Variants in VCL observed in about 807,000 individuals in gnomAD.
VCL encodes epididymis luminal protein 114.
A neutral mutation model predicts 125.7 loss-of-function variants in VCL; 47 were observed. That is an observed-to-expected ratio of 0.37 (90% CI 0.30 to 0.48). VCL has a LOEUF of 0.48. Ranked by LOEUF, VCL falls within the 20% of genes least tolerant of loss-of-function variation. VCL has a pLI of 0.99. For synonymous variants in VCL, 458 were observed against 514.6 expected (o/e 0.89, Z 1.49); for missense variants, 1,069 against 1,455.5 (o/e 0.73, Z 4.32).
At chr10:74,007,715 C>G (rs765681193) in intron 1 of VCL, among the ~76,000 whole-genome samples, 3 of 151,038 alleles carry the variant, frequency 2.0e-5, no homozygotes, top group African/African-American at 7.3e-5. Flanking sequence ...AGGTTGGTCT[C>G]GAACTCCTGA....
At chr10:74,053,844 C>G (rs1210582196) in intron 2 of VCL, among the ~76,000 whole-genome samples, 1 of 152,108 alleles carries the variant, frequency 6.6e-6, no homozygotes, top group Admixed American at 6.6e-5. Flanking sequence ...CTCCTGACCT[C>G]AGGTGATCCA....
intron 1 of VCL, among the ~76,000 whole-genome samples, chr10:74,004,892 A>G (rs779125412): frequency 2.0e-4 from 31 of 151,982 alleles, no homozygotes; most frequent in Non-Finnish European, 3.7e-4. Context: ...TTTAGTGGAC[A>G]CTAGGTTTCA....
chr10:74,051,065 G>A (rs896096500), intron 2 of VCL, among the ~76,000 whole-genome samples: 4 of 149,396 alleles, frequency 2.7e-5, no homozygotes, highest in East Asian at 4.0e-4. Context: ...TCAGCCTCCC[G>A]AGTAGCTGGG....
intron 6 of VCL, among the ~76,000 whole-genome samples, chr10:74,078,462 C>T (rs1297641606): frequency 6.6e-6 from 1 of 152,028 alleles, no homozygotes; most frequent in Non-Finnish European, 1.5e-5. Context: ...AGCAAGTGTT[C>T]TAGTGTTTTG....
intron 8 of VCL, among the ~76,000 whole-genome samples, chr10:74,088,725 T>C (rs967131550): frequency 6.6e-6 from 1 of 152,216 alleles, no homozygotes; most frequent in Non-Finnish European, 1.5e-5. Flanking sequence ...GATCTGCTTG[T>C]TCCCAGTCTG....
At chr10:74,075,763 T>C (rs893207073) in intron 6 of VCL, 11 of 152,788 alleles carry the variant, frequency 7.2e-5, no homozygotes, top group Admixed American at 6.5e-5. Flanking sequence ...ATGACTTCCA[T>C]TGGGTGCTCA....
intron 1 of VCL, among the ~76,000 whole-genome samples, chr10:74,022,837 C>T (rs1013541428): frequency 2.0e-5 from 3 of 151,798 alleles, no homozygotes; most frequent in African/African-American, 7.3e-5. Context: ...GAAGGGGTTT[C>T]GCCATGTTGG....
rs2131944675 is a variant in VCL at position 74,118,394 on chromosome 10, A to T, written c.*225A>T. 1.7e-6 allele frequency: 1 copy of T among 591,600 alleles called. No individual in the cohort carries two copies. Among genetic ancestry groups the T allele is most frequent in the Admixed American group, 2.7e-5 (1 of 37,404 alleles). The allele number at this position is 591,600 out of a possible 1,614,324, so 36.6% of individuals were successfully genotyped here. ...AAAGCCTGTATTCTCAAACACAGTT[A>T]CACTTGTGCACCCTCTATCCCAATA... On this transcript the variant is annotated 3_prime_UTR_variant, in exon 22 of 22. Coordinates refer to ENST00000211998, the MANE Select transcript of VCL (RefSeq NM_014000.3).
intron 1 of VCL, among the ~76,000 whole-genome samples, chr10:74,001,847 CT>C (rs1355621423): frequency 6.6e-6 from 1 of 152,004 alleles, no homozygotes; most frequent in African/African-American, 2.4e-5. Flanking sequence ...TTGGGAATTT[CT>C]TTCAGATTAT....
At chr10:74,060,023 A>G (rs1841453794) in intron 2 of VCL, among the ~76,000 whole-genome samples, 1 of 152,084 alleles carries the variant, frequency 6.6e-6, no homozygotes, top group South Asian at 2.1e-4. Context: ...TTAGCTGGGC[A>G]TGGTGATGTG....
chr10:74,086,785 T>C (rs1474062317), intron 8 of VCL, among the ~76,000 whole-genome samples: 1 of 152,238 alleles, frequency 6.6e-6, no homozygotes, highest in Non-Finnish European at 1.5e-5. Context: ...TGATGAAAGA[T>C]TAGAAAGTTA....
intron 17 of VCL, among the ~76,000 whole-genome samples, chr10:74,107,883 T>A (rs1407374284): frequency 6.6e-6 from 1 of 152,184 alleles, no homozygotes; most frequent in Admixed American, 6.5e-5. Context: ...ACTGTGAATA[T>A]ATTTTTACAT....
At chr10:74,035,996 C>T (rs187857559) in intron 1 of VCL, among the ~76,000 whole-genome samples, 1 of 152,192 alleles carries the variant, frequency 6.6e-6, no homozygotes, top group African/African-American at 2.4e-5. Flanking sequence ...TATTCAAATA[C>T]TATGCTGTTT....
At chr10:74,022,697 C>G (rs1840695911) in intron 1 of VCL, among the ~76,000 whole-genome samples, 1 of 149,732 alleles carries the variant, frequency 6.7e-6, no homozygotes, top group African/African-American at 2.5e-5. Flanking sequence ...AGTGCAATGA[C>G]ACGATCTCGG....
At chr10:74,020,096 T>C (rs986750974) in intron 1 of VCL, among the ~76,000 whole-genome samples, 3 of 151,960 alleles carry the variant, frequency 2.0e-5, no homozygotes, top group Non-Finnish European at 4.4e-5. Context: ...TACTAATTTA[T>C]TTTCAGGGGA....
rs1254396469 is a variant in VCL at position 74,097,364 on chromosome 10, A to G, written c.1872+32A>G. 6.2e-7 allele frequency: 1 copy of G among 1,607,722 alleles called. No individual in the cohort carries two copies. The highest frequency in any genetic ancestry group is 1.1e-5 in the South Asian group (1 of 90,602). ...ATCTGAGGTCTTCCATTTTTCTGTCAGCCTGTGCTATAGGTATATGTAAAG... is the reference window on the plus strand; with the variant it reads ...ATCTGAGGTCTTCCATTTTTCTGTCGGCCTGTGCTATAGGTATATGTAAAG... On this transcript the variant is annotated intron_variant, in intron 13 of 21. Coordinates refer to ENST00000211998, the MANE Select transcript of VCL (RefSeq NM_014000.3). This position sits in a 1 kb window ranked among gnomAD's most constrained non-coding sequence, Gnocchi z 4.1.
chr10:74,084,907 C>T (rs551161653), intron 8 of VCL, among the ~76,000 whole-genome samples: 3 of 152,016 alleles, frequency 2.0e-5, no homozygotes, highest in African/African-American at 7.2e-5. Context: ...CCACCATGCC[C>T]GGCCAAATTT....
chr10:74,070,807 T>TC lies in VCL; in HGVS notation c.378dup (p.Asp127ArgfsTer2), dbSNP rs1841652713. On this transcript the variant is annotated frameshift_variant, in exon 3 of 22. Coordinates refer to ENST00000211998, the MANE Select transcript of VCL (RefSeq NM_014000.3). LOFTEE classifies it high-confidence loss of function. ...GGAACATCAGACCTGCTCCTTACCT[T>TC]CGATGAGGCTGAGGTAGGCAATCTG... The TC allele has an allele frequency of 6.2e-7, 1 of 1,613,982 alleles. No homozygotes were observed. The highest frequency in any genetic ancestry group is 1.3e-5 in the African/African-American group (1 of 74,916).
intron 9 of VCL, among the ~76,000 whole-genome samples, chr10:74,089,764 C>T (rs1296238614): frequency 6.6e-6 from 1 of 152,066 alleles, no homozygotes; most frequent in Non-Finnish European, 1.5e-5. Context: ...AACTGAGGAA[C>T]TAATAAGGTG....
Sources: gnomAD v4.1 joint callset for allele counts (sites outside exome capture counted in the v4.1 genomes callset) on GRCh38, gnomAD v4.1.1 for gene constraint, Gnocchi (gnomAD v3.1) non-coding constraint, MANE v1.5 for transcripts, NCBI Gene and HGNC (gene_info 2026-07-23, HGNC 2026-07-21) for gene names.